The following TEX11 variants were observed in gnomAD, a reference collection of about 807,000 sequenced individuals.
TEX11 encodes testis expressed 11.
TEX11 carries 7 observed loss-of-function variants against 84.4 expected under a neutral mutation model. The observed-to-expected ratio is 0.08, with a 90% CI of 0.05 to 0.16. The LOEUF (loss-of-function observed/expected upper bound fraction) is 0.16, where lower values mean the gene tolerates loss of function less well. Ranked by LOEUF, TEX11 falls within the 10% of genes least tolerant of loss-of-function variation. TEX11 has a pLI of 1.00. For missense variants in TEX11, 551 were observed against 660.5 expected (o/e 0.83, Z 1.82); for synonymous variants, 264 against 222.8 (o/e 1.18, Z -1.64).
At chrX:70,586,064 A>G (rs1299767758) in intron 25 of TEX11, among the ~76,000 whole-genome samples, 7 of 112,697 alleles carry the variant, frequency 6.2e-5, no homozygotes, top group Non-Finnish European at 1.3e-4. Flanking sequence ...ACAAACAAAC[A>G]AACAAAAAAT....
chrX:70,704,994 A>T (rs1275849815), intron 13 of TEX11, among the ~76,000 whole-genome samples: 2 of 111,862 alleles, frequency 1.8e-5, no homozygotes, highest in African/African-American at 6.5e-5. Context: ...GAAGGGATCC[A>T]GTTTCAGCTT....
intron 8 of TEX11, among the ~76,000 whole-genome samples, chrX:70,820,627 G>C (rs1424450610): frequency 9.0e-6 from 1 of 111,524 alleles, no homozygotes. Flanking sequence ...GCAAAGGGGA[G>C]TAAACATGTC....
At chrX:70,548,274 G>A (rs1230557004) in intron 28 of TEX11, among the ~76,000 whole-genome samples, 2 of 105,655 alleles carry the variant, frequency 1.9e-5, no homozygotes, top group African/African-American at 6.9e-5. Flanking sequence ...GTTGTGGGGT[G>A]GGGGGAGTGG....
At chrX:70,717,951 C>G (rs939834290) in intron 13 of TEX11, among the ~76,000 whole-genome samples, 5 of 112,243 alleles carry the variant, frequency 4.5e-5, no homozygotes, top group Non-Finnish European at 7.5e-5. Flanking sequence ...AATAATTTAT[C>G]AAATTTTCCT....
At chrX:70,880,679 A>G (rs1365484732) in intron 2 of TEX11, among the ~76,000 whole-genome samples, 2 of 111,662 alleles carry the variant, frequency 1.8e-5, no homozygotes, top group Non-Finnish European at 3.8e-5. Flanking sequence ...TGAAAAACTT[A>G]CTAATATTTT....
At chrX:70,877,455 T>C (rs1022055216) in intron 3 of TEX11, among the ~76,000 whole-genome samples, 2 of 111,889 alleles carry the variant, frequency 1.8e-5, no homozygotes, top group Non-Finnish European at 3.8e-5. Flanking sequence ...ATAGTTGCTA[T>C]GGAAAACAGT....
At chrX:70,667,888 T>C (rs2089990304) in intron 16 of TEX11, among the ~76,000 whole-genome samples, 1 of 108,513 alleles carries the variant, frequency 9.2e-6, no homozygotes, top group Non-Finnish European at 1.9e-5. Context: ...GATAGCACCA[T>C]TGCACTCCAG....
At chrX:70,900,516 A>T (rs2091797591) in intron 2 of TEX11, among the ~76,000 whole-genome samples, 1 of 111,155 alleles carries the variant, frequency 9.0e-6, no homozygotes, top group Non-Finnish European at 1.9e-5. Flanking sequence ...ATCAAAAAAG[A>T]GGAAAAACTC....
At chrX:70,556,226 C>CT (rs1036546110) in intron 25 of TEX11, among the ~76,000 whole-genome samples, 8 of 109,139 alleles carry the variant, frequency 7.3e-5, no homozygotes, top group African/African-American at 2.3e-4. Context: ...TGAGACCTTT[C>CT]TTTTTTTTTC....
At chrX:70,643,410 GA>G (rs2147592784) in intron 17 of TEX11, among the ~76,000 whole-genome samples, 1 of 86,597 alleles carries the variant, frequency 1.2e-5, no homozygotes, top group East Asian at 3.7e-4. Flanking sequence ...CACAGAATTG[GA>G]AAAAACTACT....
chrX:70,883,194 G>A (rs1379634939), intron 2 of TEX11, among the ~76,000 whole-genome samples: 5 of 111,549 alleles, frequency 4.5e-5, no homozygotes, highest in Non-Finnish European at 1.9e-5. Context: ...ATGTTGCCCA[G>A]CCTGGCCTGA....
chrX:70,750,932 AAATATATAT>A (rs1435730685), intron 9 of TEX11, among the ~76,000 whole-genome samples: 1 of 38,746 alleles, frequency 2.6e-5, no homozygotes, highest in Non-Finnish European at 4.2e-5. Context: ...AAAAAAAAAA[AAATATATAT>A]ATATATATAT....
chrX:70,698,012 T>G (rs1239307042), intron 13 of TEX11, among the ~76,000 whole-genome samples: 1 of 111,525 alleles, frequency 9.0e-6, no homozygotes, highest in Non-Finnish European at 1.9e-5. Context: ...TTATTTTTAT[T>G]TTTTATTATT....
intron 8 of TEX11, among the ~76,000 whole-genome samples, chrX:70,813,990 T>G (rs1010779012): frequency 8.9e-6 from 1 of 111,773 alleles, no homozygotes; most frequent in Non-Finnish European, 1.9e-5. Flanking sequence ...TGCTCATGGA[T>G]AGGAATAATC....
At position 70,678,904 on chromosome X, in the gene TEX11, AAG is replaced by A. The variant is rs2090100401; in HGVS notation, c.1157-17_1157-16del. 8.9e-7 allele frequency: 1 copy of A among 1,129,271 alleles called. No individual in the cohort carries two copies. Among genetic ancestry groups the A allele is most frequent in the Non-Finnish European group, 1.2e-6 (1 of 838,090 alleles). The allele number at this position is 1,129,271 out of a possible 1,213,427, so 93.1% of individuals were successfully genotyped here. A position where few individuals can be genotyped will look rare whatever the true frequency, so the allele number is the denominator to read the frequency against. On this transcript the variant is annotated splice_polypyrimidine_tract_variant and intron_variant, in intron 14 of 29. Coordinates refer to ENST00000374333, the MANE Select transcript of TEX11 (RefSeq NM_031276.3). ...TGTTTGGTGAGCTGAAAAAAAAAAA[AAG>A]CTCTGAAAATAAGAATCTCGGTCTA...
intron 3 of TEX11, 100 bp from the exon 4 acceptor site, chrX:70,873,407 T>C: frequency 1.7e-6 from 1 of 587,685 alleles, no homozygotes; most frequent in Non-Finnish European, 2.8e-6. Context: ...CTATTGTGGG[T>C]CATTTCCAGG....
chrX:70,805,412 T>C (rs1291657504), intron 9 of TEX11, among the ~76,000 whole-genome samples: 5 of 108,726 alleles, frequency 4.6e-5, no homozygotes, highest in Non-Finnish European at 9.6e-5. Flanking sequence ...TTTTCTTTTT[T>C]TTTTTTTTGA....
chrX:70,562,203 T>C (rs767405660), intron 25 of TEX11, among the ~76,000 whole-genome samples: 49 of 112,064 alleles, frequency 4.4e-4, no homozygotes, highest in Non-Finnish European at 4.5e-4. Flanking sequence ...TTTATTGTAG[T>C]ATTCATGTAT....
chrX:70,570,949 G>C (rs1357209816), intron 25 of TEX11, among the ~76,000 whole-genome samples: 1 of 111,953 alleles, frequency 8.9e-6, no homozygotes, highest in Non-Finnish European at 1.9e-5. Context: ...CATCTTGCAA[G>C]ACTTTTAGCA....
Sources: gnomAD v4.1 joint callset for allele counts (sites outside exome capture counted in the v4.1 genomes callset) on GRCh38, gnomAD v4.1.1 for gene constraint, MANE v1.5 for transcripts, NCBI Gene and HGNC (gene_info 2026-07-23, HGNC 2026-07-21) for gene names.